The following CMIP variants were observed in gnomAD, a reference collection of about 807,000 sequenced individuals.
CMIP encodes C-Maf-inducing protein.
Under a neutral mutation model 97.3 loss-of-function variants are expected in CMIP, and 13 were observed. The ratio of observed to expected loss-of-function variants is 0.13; its 90% confidence interval spans 0.09 to 0.21. The LOEUF (loss-of-function observed/expected upper bound fraction) is 0.21. CMIP is among the 10% of genes least tolerant of loss of function. The pLI is 1.00. For missense variants in CMIP, 847 were observed against 1,024.9 expected (o/e 0.83, Z 2.37); for synonymous variants, 538 against 436.3 (o/e 1.23, Z -2.91).
rs750035973 is a variant in CMIP, at chr16:81,655,466, G to A, written c.640-2309G>A. On this transcript the variant is annotated intron_variant, in intron 4 of 20. Transcript: ENST00000537098. This position sits in a 1 kb window ranked among gnomAD's most constrained non-coding sequence, Gnocchi z 4.9. ...TTGTTGAGTTGCGTGTAAAGTGGCC[G>A]CTTAGCTCGAGAGTCAGGTGTTCCC... is the stretch of plus-strand genomic sequence containing the variant. Among the ~76,000 whole-genome samples the A allele has an allele frequency of 6.6e-6, 1 of 152,188 alleles. No individual in the cohort carries two copies. Among genetic ancestry groups the A allele is most frequent in the Non-Finnish European group, 1.5e-5 (1 of 68,028 alleles).
At chr16:81,670,820 C>G (rs898386278) in intron 8 of CMIP, among the ~76,000 whole-genome samples, 1 of 152,000 alleles carries the variant, frequency 6.6e-6, no homozygotes, top group African/African-American at 2.4e-5. Flanking sequence ...TTGTTCTTCT[C>G]ATCTCTTTTG....
intron 1 of CMIP, among the ~76,000 whole-genome samples, chr16:81,512,959 A>G (rs951502033): frequency 4.0e-5 from 6 of 151,702 alleles, no homozygotes; most frequent in Non-Finnish European, 8.8e-5. Context: ...CTGGTCTCAA[A>G]CTCTTGGTCT....
intron 1 of CMIP, among the ~76,000 whole-genome samples, chr16:81,523,222 G>C (rs1268570874): frequency 2.6e-5 from 4 of 152,200 alleles, no homozygotes; most frequent in African/African-American, 9.6e-5. Context: ...GCTTTGCTTT[G>C]TGTATGTTTT....
chr16:81,705,171 T>C (rs1907989187), intron 18 of CMIP, among the ~76,000 whole-genome samples: 1 of 152,174 alleles, frequency 6.6e-6, no homozygotes, highest in Non-Finnish European at 1.5e-5. Flanking sequence ...GTCCTTCCAC[T>C]GTCCACCCAG....
rs538083635 is a variant in CMIP, at chr16:81,627,817, G to C, written c.477+6891G>C. 6.6e-6 allele frequency among the ~76,000 whole-genome samples: 1 copy of C among 152,164 alleles called. No homozygotes were observed. On this transcript the variant is annotated intron_variant, in intron 3 of 20. Coordinates refer to ENST00000537098, the MANE Select transcript of CMIP (RefSeq NM_198390.3). This position sits in a 1 kb window ranked among gnomAD's most constrained non-coding sequence, Gnocchi z 4.6. ...ACCTCATGAGTGGCTGCGGCGCCTCGGGAATGAGTCTGTTCCATGTTCTGT... is the reference window on the plus strand; with the variant it reads ...ACCTCATGAGTGGCTGCGGCGCCTCCGGAATGAGTCTGTTCCATGTTCTGT...
chr16:81,480,787 C>T (rs1378579405), intron 1 of CMIP, among the ~76,000 whole-genome samples: 1 of 152,176 alleles, frequency 6.6e-6, no homozygotes, highest in Non-Finnish European at 1.5e-5. Context: ...GTTATGATGA[C>T]ATCAGTTTCC....
At chr16:81,460,121 CAG>C (rs1362952999) in intron 1 of CMIP, among the ~76,000 whole-genome samples, 1 of 152,198 alleles carries the variant, frequency 6.6e-6, no homozygotes, top group Non-Finnish European at 1.5e-5. Context: ...AGAGTCAACA[CAG>C]GGCCTGTGTG....
intron 8 of CMIP, among the ~76,000 whole-genome samples, chr16:81,671,620 C>G (rs1402872701): frequency 2.6e-5 from 4 of 152,204 alleles, no homozygotes; most frequent in Admixed American, 1.3e-4. Flanking sequence ...AAATTTGGTC[C>G]TAACTGTACC....
chr16:81,626,788 A>AGTGTGT lies in CMIP; in HGVS notation c.477+5886_477+5891dup, dbSNP rs1035341441. Among the ~76,000 whole-genome samples the AGTGTGT allele has an allele frequency of 2.2e-4, 14 of 63,164 alleles. 1 individual carries two copies. The highest frequency in any genetic ancestry group is 0.026 in the Middle Eastern group (2 of 78). The allele number at this position is 63,164 out of a possible 152,430, so 41.4% of individuals were successfully genotyped here. A position where few individuals can be genotyped will look rare whatever the true frequency, so the allele number is the denominator to read the frequency against. On this transcript the variant is annotated intron_variant, in intron 3 of 20. Coordinates refer to ENST00000537098, the MANE Select transcript of CMIP (RefSeq NM_198390.3). Reference sequence around the variant, plus strand: ...TGTGTGGAGTGACAGAGAGAGAGAGAGTGTGTGTGTGTGTGTGTGTGTGTG... The same window carrying AGTGTGT: ...TGTGTGGAGTGACAGAGAGAGAGAGAGTGTGTGTGTGTGTGTGTGTGTGTGTGTGTG...
intron 1 of CMIP, among the ~76,000 whole-genome samples, chr16:81,580,864 TTCTA>T (rs1351065279): frequency 6.6e-6 from 1 of 152,160 alleles, no homozygotes; most frequent in South Asian, 2.1e-4. Context: ...TAACTGCCAC[TTCTA>T]TCTAATTCCG....
chr16:81,478,217 C>T (rs944665702), intron 1 of CMIP, among the ~76,000 whole-genome samples: 4 of 152,176 alleles, frequency 2.6e-5, no homozygotes, highest in Admixed American at 6.5e-5. Flanking sequence ...CTCAAGCTTC[C>T]GGAACAGGCC....
intron 1 of CMIP, among the ~76,000 whole-genome samples, chr16:81,523,779 G>A (rs534697013): frequency 3.9e-5 from 6 of 152,352 alleles, no homozygotes; most frequent in South Asian, 2.1e-4. Context: ...GGAAGAAGGT[G>A]AGCTGAGTCA....
At position 81,573,010 on chromosome 16, in the gene CMIP, C is replaced by T. The variant is rs186115426; in HGVS notation, c.301-34557C>T. On this transcript the variant is annotated intron_variant, in intron 1 of 20. Coordinates refer to ENST00000537098, the MANE Select transcript of CMIP (RefSeq NM_198390.3). ...AACCAATAATAAAATGAAATGACCTCTGGTCCCTATTGTCAGAGCCATAAT... is the reference window on the plus strand; with the variant it reads ...AACCAATAATAAAATGAAATGACCTTTGGTCCCTATTGTCAGAGCCATAAT... Among the ~76,000 whole-genome samples, 6 of 152,320 alleles carry T rather than the reference C, an allele frequency of 3.9e-5. No homozygotes were observed. The East Asian group carries it at 7.7e-4, about 20-fold the overall frequency.
chr16:81,613,624 G>A (rs2091866813), intron 2 of CMIP, among the ~76,000 whole-genome samples: 1 of 152,216 alleles, frequency 6.6e-6, no homozygotes, highest in Non-Finnish European at 1.5e-5. Context: ...CTGGTACTTA[G>A]TAGGTGTTCA....
chr16:81,637,476 C>G (rs1165490833), intron 3 of CMIP, among the ~76,000 whole-genome samples: 3 of 152,208 alleles, frequency 2.0e-5, no homozygotes, highest in Non-Finnish European at 1.5e-5. Flanking sequence ...TTAATTCTCC[C>G]AATAGCTCCA....
intron 1 of CMIP, among the ~76,000 whole-genome samples, chr16:81,554,077 A>G (rs142607086): frequency 2.0e-5 from 3 of 152,352 alleles, no homozygotes; most frequent in African/African-American, 7.2e-5. Flanking sequence ...CATTTAAGGC[A>G]TTTAGAACAA....
intron 1 of CMIP, among the ~76,000 whole-genome samples, chr16:81,506,070 T>C (rs2089703581): frequency 6.6e-6 from 1 of 152,246 alleles, no homozygotes; most frequent in Non-Finnish European, 1.5e-5. Context: ...GTCACATTGC[T>C]GAGCAGTTTA....
intron 1 of CMIP, among the ~76,000 whole-genome samples, chr16:81,467,436 TC>T (rs1426085140): frequency 5.9e-5 from 9 of 152,304 alleles, no homozygotes; most frequent in African/African-American, 2.2e-4. Context: ...CGTAAAGGCC[TC>T]CTGTGAGAAG....
intron 7 of CMIP, among the ~76,000 whole-genome samples, chr16:81,668,003 G>T (rs1458758039): frequency 6.6e-6 from 1 of 152,032 alleles, no homozygotes; most frequent in Admixed American, 6.5e-5. Flanking sequence ...GCCCCCAGCG[G>T]CTCTAGAAAC....
Sources: allele counts gnomAD v4.1 joint callset (sites outside exome capture counted in the v4.1 genomes callset), GRCh38; gene constraint gnomAD v4.1.1; non-coding constraint Gnocchi (gnomAD v3.1); transcripts MANE v1.5; gene names NCBI Gene and HGNC (gene_info 2026-07-23, HGNC 2026-07-21).